The following CFH variants were observed in gnomAD, a reference collection of about 807,000 sequenced individuals.
CFH encodes the protein complement factor H.
CFH carries 53 observed loss-of-function variants against 147.3 expected under a neutral mutation model. The ratio of observed to expected loss-of-function variants is 0.36; its 90% CI spans 0.29 to 0.45. CFH has a LOEUF of 0.45. CFH is among the 20% of genes least tolerant of loss of function. The pLI, the probability that CFH is intolerant of heterozygous loss-of-function variation, is 1.00. For missense variants in CFH, 1,380 were observed against 1,498.0 expected (o/e 0.92, Z 1.30); for synonymous variants, 536 against 489.4 (o/e 1.10, Z -1.26).
At chr1:196,733,868 C>G (rs1669338308) in intron 15 of CFH, among the ~76,000 whole-genome samples, 1 of 152,020 alleles carries the variant, frequency 6.6e-6, no homozygotes, top group African/African-American at 2.4e-5. Context: ...ATTCAGACCT[C>G]TAAGTAGCCA....
chr1:196,706,815 G>A (rs1668601502), intron 9 of CFH, among the ~76,000 whole-genome samples: 1 of 152,158 alleles, frequency 6.6e-6, no homozygotes, highest in Non-Finnish European at 1.5e-5. Context: ...CCAGTACCAA[G>A]GATTCAAGCA....
chr1:196,688,127 A>G (rs890838686), intron 7 of CFH, among the ~76,000 whole-genome samples: 2 of 151,932 alleles, frequency 1.3e-5, no homozygotes, highest in African/African-American at 4.8e-5. Flanking sequence ...CATAAGGTTT[A>G]TTGAAATAGA....
intron 11 of CFH, among the ~76,000 whole-genome samples, chr1:196,723,933 G>T (rs1436875791): frequency 6.6e-6 from 1 of 151,946 alleles, no homozygotes; most frequent in Non-Finnish European, 1.5e-5. Flanking sequence ...TTGGATCCAC[G>T]GGACATGTTC....
chr1:196,736,224 A>G (rs369051428), intron 15 of CFH, among the ~76,000 whole-genome samples: 184 of 152,226 alleles, frequency 1.2e-3, no homozygotes, highest in African/African-American at 4.2e-3. Flanking sequence ...AAATATCCCT[A>G]AACAGTACAG....
rs1437821058 is a variant in CFH at position 196,653,449 on chromosome 1, A to C, written c.58+1274A>C. On this transcript the variant is annotated intron_variant, in intron 1 of 21. Coordinates refer to ENST00000367429, the MANE Select transcript of CFH (RefSeq NM_000186.4). ...GACATCTTTTTCTGTTTCTTTGTGT[A>C]AATATTTCTGTCTTTTCTTACTAAA... 3.3e-5 allele frequency among the ~76,000 whole-genome samples: 5 copies of C among 151,992 alleles called. No individual in the cohort carries two copies. The South Asian group carries it at 1.0e-3, about 32-fold the overall frequency.
At position 196,711,626 on chromosome 1, in the gene CFH, A is replaced by C. The variant is rs1668724300; in HGVS notation, c.1337-2109A>C. Among the ~76,000 whole-genome samples, 5 of 152,004 alleles carry C rather than the reference A, an allele frequency of 3.3e-5. No homozygotes were observed. The South Asian group carries it at 8.3e-4, about 25-fold the overall frequency. ...TTAGTTCTTTCAAGGCTTATTTTTA[A>C]GCTTTTAAAAAGCTTAAAAAACCCC... On this transcript the variant is annotated intron_variant, in intron 9 of 21. Transcript: ENST00000367429.
intron 1 of CFH, among the ~76,000 whole-genome samples, chr1:196,666,146 C>T (rs1362010676): frequency 1.3e-5 from 2 of 152,116 alleles, no homozygotes; most frequent in Non-Finnish European, 2.9e-5. Context: ...AAGTTGATGC[C>T]AGTATAGGTC....
At chr1:196,741,521 A>T in intron 18 of CFH, 1 of 299,666 alleles carries the variant, frequency 3.3e-6, no homozygotes, top group Non-Finnish European at 6.4e-6. Context: ...CTCTCTCTCA[A>T]CACCTGGAGA....
chr1:196,728,106 A>G (rs924525454), intron 14 of CFH, among the ~76,000 whole-genome samples: 3 of 152,058 alleles, frequency 2.0e-5, no homozygotes, highest in African/African-American at 7.3e-5. Context: ...TGTATTTCCC[A>G]AAGAATAAAA....
intron 10 of CFH, 55 bp from the exon 11 acceptor site, chr1:196,715,538 C>A: frequency 7.4e-7 from 1 of 1,358,694 alleles, no homozygotes; most frequent in Non-Finnish European, 1.1e-6. Context: ...GGGAAATACT[C>A]AGATTGTTTA....
chr1:196,721,204 C>T (rs1014679189), intron 11 of CFH, among the ~76,000 whole-genome samples: 1 of 151,510 alleles, frequency 6.6e-6, no homozygotes, highest in Non-Finnish European at 1.5e-5. Context: ...TGGATATTAG[C>T]CCTTTTTCAG....
chr1:196,671,986 G>T (rs990807162), intron 1 of CFH, among the ~76,000 whole-genome samples: 2 of 151,558 alleles, frequency 1.3e-5, no homozygotes, highest in Non-Finnish European at 2.9e-5. Context: ...TTTCAAATAT[G>T]GCATGTTTTG....
Position 196,740,716 on chromosome 1 carries a change from T to A in CFH, c.2880T>A (p.Phe960Leu). The A allele has an allele frequency of 6.2e-7, 1 of 1,614,064 alleles. No homozygotes were observed. ...GAGAAGAAGTTACGTACAAATGTTT[T>A]GAAGGTTTTGGAATTGATGGGCCTG... ...QYGEEVTYKC[F>L]EGFGIDGPAI... Residue 960 changes from phenylalanine to leucine, a missense_variant, in exon 18 of 22, where the codon TTT becomes TTA. Physicochemically the swap from Phe to Leu is conservative, Grantham distance 22. Coordinates refer to ENST00000367429, the MANE Select transcript of CFH (RefSeq NM_000186.4).
chr1:196,717,593 A>T lies in CFH; in HGVS notation c.1696+1824A>T, dbSNP rs569677286. ...AAAAATAATGAGCTAGACATTCAAT[A>T]CAGACTGTAGACATAACTCTTTCAA... On this transcript the variant is annotated intron_variant, in intron 11 of 21. Transcript: ENST00000367429. Among the ~76,000 whole-genome samples the T allele has an allele frequency of 3.3e-5, 5 of 152,258 alleles. No individual in the cohort carries two copies. The South Asian group carries it at 1.0e-3, about 32-fold the overall frequency.
chr1:196,709,245 T>G (rs1304747748), intron 9 of CFH, among the ~76,000 whole-genome samples: 1 of 152,176 alleles, frequency 6.6e-6, no homozygotes, highest in African/African-American at 2.4e-5. Flanking sequence ...AGTCCATTTT[T>G]CAAGGACTCT....
intron 1 of CFH, among the ~76,000 whole-genome samples, chr1:196,663,367 A>C (rs1198641339): frequency 1.3e-5 from 2 of 152,138 alleles, no homozygotes; most frequent in African/African-American, 4.8e-5. Context: ...TAAGCTGTCC[A>C]TTGATGATTA....
chr1:196,703,710 C>T (rs1482971646), intron 9 of CFH, among the ~76,000 whole-genome samples: 4 of 151,890 alleles, frequency 2.6e-5, no homozygotes, highest in Admixed American at 6.6e-5. Flanking sequence ...TTTTGCTGGG[C>T]GCGGTGGCTC....
intron 17 of CFH, among the ~76,000 whole-genome samples, chr1:196,739,450 C>T (rs1652726616): frequency 6.6e-6 from 1 of 152,182 alleles, no homozygotes; most frequent in African/African-American, 2.4e-5. Flanking sequence ...CTCTCAAGTT[C>T]AAAGTTCCAC....
chr1:196,731,256 ATC>A (rs1412024512), intron 15 of CFH, among the ~76,000 whole-genome samples: 2 of 151,830 alleles, frequency 1.3e-5, no homozygotes, highest in Non-Finnish European at 2.9e-5. Context: ...GCTTTTGGCT[ATC>A]CTTAGGCTTG....
Sources: gnomAD v4.1 joint callset for allele counts (sites outside exome capture counted in the v4.1 genomes callset) on GRCh38, gnomAD v4.1.1 for gene constraint, MANE v1.5 for transcripts, NCBI Gene and HGNC (gene_info 2026-07-23, HGNC 2026-07-21) for gene names.